Variants in CDK17 observed in about 807,000 individuals in gnomAD.
CDK17 encodes the protein cyclin-dependent kinase 17.
CDK17 carries 24 observed loss-of-function variants against 77.6 expected under a neutral mutation model. The ratio of observed to expected loss-of-function variants is 0.31; its 90% CI spans 0.22 to 0.44. The LOEUF (loss-of-function observed/expected upper bound fraction) is 0.44. CDK17 is among the 20% of genes least tolerant of loss of function. The pLI, the probability that CDK17 is intolerant of heterozygous loss-of-function variation, is 1.00. For missense variants in CDK17, 429 were observed against 622.5 expected (o/e 0.69, Z 3.31); for synonymous variants, 203 against 210.4 (o/e 0.96, Z 0.30).
chr12:96,368,910 A>G (rs917971986), intron 1 of CDK17, among the ~76,000 whole-genome samples: 3 of 150,538 alleles, frequency 2.0e-5, no homozygotes, highest in Non-Finnish European at 2.9e-5. Flanking sequence ...CAGTTTGAAT[A>G]TAAAATGTCA....
At chr12:96,314,759 A>C (rs1952687445) in intron 3 of CDK17, among the ~76,000 whole-genome samples, 1 of 152,220 alleles carries the variant, frequency 6.6e-6, no homozygotes, top group Non-Finnish European at 1.5e-5. Context: ...TTCCAGAAAG[A>C]AGCATGTTGT....
chr12:96,339,955 T>C (rs952113609), intron 1 of CDK17, among the ~76,000 whole-genome samples: 3 of 151,896 alleles, frequency 2.0e-5, no homozygotes, highest in African/African-American at 4.8e-5. Flanking sequence ...AATAAAATAA[T>C]GTTGAAAAAT....
intron 1 of CDK17, among the ~76,000 whole-genome samples, chr12:96,336,391 T>G (rs1953041273): frequency 1.3e-5 from 2 of 152,094 alleles, no homozygotes; most frequent in South Asian, 4.1e-4. Context: ...TTTGAGCCCA[T>G]GAATTTGAGG....
Position 96,323,280 on chromosome 12 carries a change from AAAAACAAAAAC to A in CDK17, c.283+657_283+667del, listed in dbSNP as rs1207547505. Among the ~76,000 whole-genome samples the A allele has an allele frequency of 3.0e-5, 4 of 133,142 alleles. No homozygotes were observed. The Admixed American group carries it at 3.3e-4, about 11-fold the overall frequency. The allele number at this position is 133,142 out of a possible 152,430, so 87.3% of individuals were successfully genotyped here. A position where few individuals can be genotyped will look rare whatever the true frequency, so the allele number is the denominator to read the frequency against. On this transcript the variant is annotated intron_variant, in intron 3 of 16. Transcript: ENST00000261211. Reference sequence around the variant, plus strand: ...AGACCCCGTCTTCTAAAAAAAAAAAAAAAACAAAAACAAACAAACAAACAAATTAGCCAGGC... The same window carrying A: ...AGACCCCGTCTTCTAAAAAAAAAAAAAAACAAACAAACAAATTAGCCAGGC...
Position 96,320,708 on chromosome 12 carries a change from A to G in CDK17, c.283+3240T>C, listed in dbSNP as rs1358865654. ...ACCTGAGAAAAACAAGCAATGGGGA[A>G]AGGATTCCCTATTTAATAAATGGTG... On this transcript the variant is annotated intron_variant, in intron 3 of 16. Transcript: ENST00000261211. Among the ~76,000 whole-genome samples, 202 of 148,208 alleles carry G rather than the reference A, an allele frequency of 1.4e-3. 4 individuals are homozygous for G. The highest frequency in any genetic ancestry group is 0.013 in the Admixed American group (199 of 14,840).
chr12:96,368,800 C>G (rs1235740082), intron 1 of CDK17, among the ~76,000 whole-genome samples: 3 of 17,480 alleles, frequency 1.7e-4, no homozygotes, highest in African/African-American at 5.0e-4. Flanking sequence ...AGAAGCTACT[C>G]TAAGACGGGG....
chr12:96,309,036 T>G (rs1175874326), intron 5 of CDK17, among the ~76,000 whole-genome samples: 2 of 152,214 alleles, frequency 1.3e-5, no homozygotes, highest in East Asian at 3.8e-4. Flanking sequence ...TGTGACCATG[T>G]CAGCCTTTGT....
chr12:96,368,098 T>C (rs1953617542), intron 1 of CDK17, among the ~76,000 whole-genome samples: 1 of 151,860 alleles, frequency 6.6e-6, no homozygotes, highest in Admixed American at 6.6e-5. Context: ...TAGGAAAAGT[T>C]CAATAGGAAA....
intron 1 of CDK17, among the ~76,000 whole-genome samples, chr12:96,370,729 T>A (rs1034798468): frequency 6.6e-6 from 1 of 152,240 alleles, no homozygotes; most frequent in Non-Finnish European, 1.5e-5. Flanking sequence ...ATCCGGCTGT[T>A]TTCTATTTAG....
chr12:96,281,516 G>A (rs1426362938), intron 15 of CDK17, among the ~76,000 whole-genome samples: 2 of 152,100 alleles, frequency 1.3e-5, no homozygotes, highest in Admixed American at 6.6e-5. Context: ...TTACAGGTAC[G>A]CGCCACCACG....
At chr12:96,299,804 G>A (rs1952471823) in intron 6 of CDK17, among the ~76,000 whole-genome samples, 2 of 152,130 alleles carry the variant, frequency 1.3e-5, no homozygotes, top group South Asian at 4.1e-4. Flanking sequence ...GCTCCTTTAA[G>A]CCTTCCCTAT....
At chr12:96,307,218 C>A (rs1952587224) in intron 5 of CDK17, among the ~76,000 whole-genome samples, 1 of 152,024 alleles carries the variant, frequency 6.6e-6, no homozygotes, top group African/African-American at 2.4e-5. Context: ...TCGCTTGAAC[C>A]CGGGAGGCGA....
chr12:96,284,822 C>T lies in CDK17; in HGVS notation c.1323-1177G>A, dbSNP rs953880739. 3.3e-5 allele frequency among the ~76,000 whole-genome samples: 5 copies of T among 152,018 alleles called. 1 individual carries two copies. The highest frequency in any genetic ancestry group is 1.2e-4 in the African/African-American group (5 of 41,378). ...CAGGTGATCCGCCTGCCTTGGCCCC[C>T]CTAAAGTGCTGGGATTACAGGCGTG... is the stretch of plus-strand genomic sequence containing the variant. On this transcript the variant is annotated intron_variant, in intron 13 of 16. Coordinates refer to ENST00000261211, the MANE Select transcript of CDK17 (RefSeq NM_002595.5).
chr12:96,381,191 A>G (rs552698213), intron 1 of CDK17, among the ~76,000 whole-genome samples: 86 of 152,338 alleles, frequency 5.6e-4, no homozygotes, highest in African/African-American at 2.0e-3. Context: ...GACAGTATAC[A>G]GTCCTATGGT....
At chr12:96,352,133 A>G (rs1020546523) in intron 1 of CDK17, among the ~76,000 whole-genome samples, 28 of 152,332 alleles carry the variant, frequency 1.8e-4, no homozygotes, top group African/African-American at 6.5e-4. Context: ...CGGGGGCAAG[A>G]TAGATTAAAA....
intron 1 of CDK17, among the ~76,000 whole-genome samples, chr12:96,352,892 G>T (rs1177271724): frequency 1.3e-5 from 2 of 152,096 alleles, no homozygotes; most frequent in Non-Finnish European, 2.9e-5. Context: ...AGTTTAATTG[G>T]ATCAGACACA....
At chr12:96,310,264 C>T (rs1952630538) in intron 5 of CDK17, among the ~76,000 whole-genome samples, 1 of 151,910 alleles carries the variant, frequency 6.6e-6, no homozygotes, top group Non-Finnish European at 1.5e-5. Context: ...TACTGGGATA[C>T]ATATTGTGCA....
At chr12:96,308,351 C>T (rs1952603479) in intron 5 of CDK17, among the ~76,000 whole-genome samples, 1 of 151,378 alleles carries the variant, frequency 6.6e-6, no homozygotes, top group African/African-American at 2.4e-5. Context: ...TTCAAGATTA[C>T]AGTGAGCTAT....
intron 1 of CDK17, among the ~76,000 whole-genome samples, chr12:96,383,366 C>A: frequency 6.8e-6 from 1 of 146,846 alleles, no homozygotes. Flanking sequence ...AATGCTATTC[C>A]TATCAAACTA....
Sources: allele counts gnomAD v4.1 joint callset (sites outside exome capture counted in the v4.1 genomes callset), GRCh38; gene constraint gnomAD v4.1.1; transcripts MANE v1.5; gene names NCBI Gene and HGNC (gene_info 2026-07-23, HGNC 2026-07-21).